GYG2: variants seen among roughly 807,000 people sequenced by gnomAD.
GYG2 encodes glycogenin-2.
A neutral mutation model predicts 29.4 loss-of-function variants in GYG2; 29 were observed. The observed-to-expected ratio is 0.99, with a 90% confidence interval of 0.74 to 1.35. The LOEUF (loss-of-function observed/expected upper bound fraction) is 1.35, where lower values mean the gene tolerates loss of function less well. Among genes scored for constraint, GYG2 ranks in the 40% most tolerant of loss-of-function variants. The probability of loss-of-function intolerance (pLI) is 0.00; values close to 1 mark genes in which losing one functional copy is unlikely to be tolerated. For missense variants in GYG2, 370 were observed against 385.7 expected (o/e 0.96, Z 0.34); for synonymous variants, 167 against 172.3 (o/e 0.97, Z 0.24).
intron 8 of GYG2, among the ~76,000 whole-genome samples, chrX:2,867,285 A>C (rs1306304009): frequency 8.5e-5 from 4 of 47,128 alleles, no homozygotes; most frequent in African/African-American, 1.8e-4. Context: ...TGTCATGCCC[A>C]CGCTTAGGCT....
At chrX:2,875,786 G>A in intron 8 of GYG2, 24 bp from the exon 9 acceptor site, 1 of 1,007,754 alleles carries the variant, frequency 9.9e-7, no homozygotes, top group Non-Finnish European at 1.4e-6. Flanking sequence ...GACTTAACTT[G>A]CCTTTGCTCT....
At position 2,861,640 on chromosome X, in the gene GYG2, A is replaced by G. The variant is rs1200184218; in HGVS notation, c.956A>G (p.Asn319Ser). The G allele has an allele frequency of 3.3e-6, 4 of 1,207,330 alleles. No individual in the cohort carries two copies. In the Admixed American group the frequency reaches 8.7e-5, roughly 26 times the overall value. ...TGTGCAAATTCACCACTGGGTTCTA[A>G]CCAGCCTGCTCAGGGCCTTCCGGAG... is the stretch of plus-strand genomic sequence containing the variant. Reference protein sequence around the residue: ...VPCANSPLGSNQPAQGLPEPT... With the variant: ...VPCANSPLGSSQPAQGLPEPT... The change falls in exon 8 of 11, where the codon AAC becomes AGC. Residue 319 changes from asparagine to serine, a missense_variant. Coordinates refer to ENST00000398806, the MANE Select transcript of GYG2 (RefSeq NM_001079855.2).
chrX:2,868,768 C>T (rs1365346962), intron 8 of GYG2, among the ~76,000 whole-genome samples: 1 of 110,862 alleles, frequency 9.0e-6, no homozygotes, highest in African/African-American at 3.3e-5. Context: ...AGCGAACCAC[C>T]ATGGCACACG....
intron 2 of GYG2, among the ~76,000 whole-genome samples, chrX:2,833,669 TTGA>T (rs1216422863): frequency 8.9e-6 from 1 of 112,205 alleles, no homozygotes; most frequent in Admixed American, 9.4e-5. Context: ...TTATCAATCA[TTGA>T]TCACTCTGTC....
At chrX:2,835,585 A>G (rs1037248255) in intron 2 of GYG2, among the ~76,000 whole-genome samples, 1 of 111,670 alleles carries the variant, frequency 9.0e-6, no homozygotes, top group African/African-American at 3.3e-5. Context: ...TAAGAGATAG[A>G]AGAAGAGACA....
chrX:2,874,760 C>G (rs1247846139), intron 8 of GYG2, among the ~76,000 whole-genome samples: 2 of 111,781 alleles, frequency 1.8e-5, no homozygotes, highest in African/African-American at 6.5e-5. Context: ...AATTTGGGAG[C>G]TGAGTATCCG....
chrX:2,842,610 G>GTT (rs1269530755), intron 2 of GYG2, among the ~76,000 whole-genome samples: 1 of 110,673 alleles, frequency 9.0e-6, no homozygotes, highest in Non-Finnish European at 1.9e-5. Flanking sequence ...CTTTGGGTGA[G>GTT]TTTTCAAGAG....
chrX:2,853,171 C>T (rs774070801), intron 3 of GYG2, among the ~76,000 whole-genome samples: 23 of 110,836 alleles, frequency 2.1e-4, no homozygotes, highest in African/African-American at 5.9e-4. Flanking sequence ...CCCACCAGCA[C>T]GCCTGGCTAA....
At chrX:2,858,618 A>G (rs1183662799) in intron 6 of GYG2, among the ~76,000 whole-genome samples, 1 of 112,210 alleles carries the variant, frequency 8.9e-6, no homozygotes, top group East Asian at 2.8e-4. Context: ...TTGGGAATGA[A>G]TAATTCTAGA....
At chrX:2,856,726 T>TA in intron 6 of GYG2, 102 bp downstream of exon 6, 1 of 547,105 alleles carries the variant, frequency 1.8e-6, no homozygotes, top group Non-Finnish European at 2.9e-6. Flanking sequence ...AAACTCTATC[T>TA]ATCTATCTAT....
intron 3 of GYG2, among the ~76,000 whole-genome samples, chrX:2,846,313 C>T (rs1343601746): frequency 9.4e-6 from 1 of 106,440 alleles, no homozygotes; most frequent in South Asian, 4.2e-4. Flanking sequence ...GTGATCTGCC[C>T]GCCTCCGCCT....
intron 3 of GYG2, among the ~76,000 whole-genome samples, chrX:2,846,036 C>CATATATATATATATATATATATAT (rs199823755): frequency 1.5e-4 from 5 of 33,049 alleles, no homozygotes; most frequent in African/African-American, 3.3e-4. Context: ...TATATATACA[C>CATATATATATATATATATATATAT]ATATATATAT....
In GYG2 at chrX:2,877,255, A is replaced by C. The variant is rs779119103; in HGVS notation, c.1199A>C (p.Gln400Pro). The C allele has an allele frequency of 6.6e-6, 8 of 1,210,779 alleles. No homozygotes were observed. Among genetic ancestry groups the C allele is most frequent in the Non-Finnish European group, 8.9e-6 (8 of 894,872 alleles). ...TCCGAGGAAACCTTCGAACCAAGCCAGGAACTCCCTGCTGAGGCTCTCAGG... is the reference window on the plus strand; with the variant it reads ...TCCGAGGAAACCTTCGAACCAAGCCCGGAACTCCCTGCTGAGGCTCTCAGG... ...VSSEETFEPSQELPAEALRDP... is the reference protein window; with the variant it reads ...VSSEETFEPSPELPAEALRDP... Residue 400 changes from glutamine (Q) to proline (P), a missense_variant, in exon 10 of 11, where the codon CAG (glutamine) becomes CCG (proline). Transcript: ENST00000398806.
intron 2 of GYG2, among the ~76,000 whole-genome samples, chrX:2,835,195 G>A (rs777860720): frequency 8.9e-6 from 1 of 112,085 alleles, no homozygotes; most frequent in Non-Finnish European, 1.9e-5. Flanking sequence ...TATGATAAGA[G>A]GTTGTAGAGA....
Position 2,861,682 on chromosome X carries a change from A to T in GYG2, c.998A>T (p.Asp333Val). The change falls in exon 8 of 11, where the codon GAT becomes GTT. Residue 333 changes from aspartate (D) to valine (V), a missense_variant. Physicochemically the swap from Asp to Val is radical, Grantham distance 152. Coordinates refer to ENST00000398806, the MANE Select transcript of GYG2 (RefSeq NM_001079855.2). The stretch of plus-strand genomic sequence containing the variant: ...CTTCCGGAGCCGACCCAGATAGTGG[A>T]TGAGACCCTGTCCCTACCTGAAGGA... ...QGLPEPTQIV[D>V]ETLSLPEGRR... is the part of the protein sequence containing the mutation. 8.3e-7 allele frequency: 1 copy of T among 1,201,635 alleles called. No individual in the cohort carries two copies. The highest frequency in any genetic ancestry group is 3.0e-5 in the East Asian group (1 of 33,403).
intron 5 of GYG2, 21 bp downstream of exon 5, chrX:2,855,176 C>T (rs199855517): frequency 3.0e-5 from 35 of 1,184,221 alleles, no homozygotes; most frequent in African/African-American, 7.0e-5. Context: ...GCAGCCCGGA[C>T]GCTTAGGGTC....
chrX:2,877,525 G>T, intron 10 of GYG2: 1 of 1,016,364 alleles, frequency 9.8e-7, no homozygotes. Context: ...CTTCAAGTCT[G>T]ATCATCACGC....
chrX:2,878,515 CT>C lies in GYG2; in HGVS notation c.1251+1214del, dbSNP rs777189914. 6.9e-4 allele frequency among the ~76,000 whole-genome samples: 77 copies of C among 111,558 alleles called. No homozygotes were observed. In the South Asian group the frequency reaches 0.029, roughly 42 times the overall value. On this transcript the variant is annotated intron_variant, in intron 10 of 10. Transcript: ENST00000398806. ...GAACACCTGGCCTCAAGTGATCCTCCTTTTTTGGCCTCTCGAAATGCTGGGA... is the reference window on the plus strand; with the variant it reads ...GAACACCTGGCCTCAAGTGATCCTCCTTTTTGGCCTCTCGAAATGCTGGGA...
chrX:2,880,437 T>C (rs950599821), intron 10 of GYG2, among the ~76,000 whole-genome samples: 86 of 108,950 alleles, frequency 7.9e-4, no homozygotes, highest in East Asian at 4.3e-3. Flanking sequence ...TGTGTGTGTG[T>C]GTGCACATGC....
Sources: allele counts gnomAD v4.1 joint callset (sites outside exome capture counted in the v4.1 genomes callset), GRCh38; gene constraint gnomAD v4.1.1; transcripts MANE v1.5; gene names NCBI Gene and HGNC (gene_info 2026-07-23, HGNC 2026-07-21).